Variants in ZSCAN5A observed in about 807,000 individuals in gnomAD.
The protein encoded by ZSCAN5A is zinc finger and SCAN domain-containing protein 5A.
In ZSCAN5A, 12 loss-of-function variants were observed where a neutral mutation model predicts 23.7. The ratio of observed to expected loss-of-function variants is 0.51; its 90% CI spans 0.32 to 0.82. The LOEUF (loss-of-function observed/expected upper bound fraction) is 0.82. Among genes scored for constraint, ZSCAN5A ranks in the 40% least tolerant of loss-of-function variants. ZSCAN5A has a pLI of 0.03. For synonymous variants in ZSCAN5A, 257 were observed against 239.9 expected (o/e 1.07, Z -0.66); for missense variants, 597 against 617.9 (o/e 0.97, Z 0.36).
chr19:56,230,952 A>G (rs1490681033), intron 2 of ZSCAN5A, among the ~76,000 whole-genome samples: 6 of 152,176 alleles, frequency 3.9e-5, no homozygotes, highest in Non-Finnish European at 8.8e-5. Context: ...ACTGAAAGTG[A>G]CAATCAGAAT....
At chr19:56,319,969 T>G in intron 2 of ZSCAN5A, 2 of 1,244,274 alleles carry the variant, frequency 1.6e-6, no homozygotes, top group Non-Finnish European at 2.4e-6. Context: ...TTTCATGGAG[T>G]GTATTTTCAT....
At chr19:56,328,688 C>T (rs1184181117) in intron 2 of ZSCAN5A, among the ~76,000 whole-genome samples, 2 of 145,700 alleles carry the variant, frequency 1.4e-5, no homozygotes, top group Admixed American at 7.0e-5. Context: ...AAGATAATCA[C>T]ATAAACCAAA....
chr19:56,235,035 A>G (rs2034772965), intron 2 of ZSCAN5A, among the ~76,000 whole-genome samples: 1 of 151,494 alleles, frequency 6.6e-6, no homozygotes, highest in Non-Finnish European at 1.5e-5. Flanking sequence ...ATAACGAGAC[A>G]GAAGCCTCCA....
At chr19:56,254,552 T>C (rs549718085) in intron 2 of ZSCAN5A, among the ~76,000 whole-genome samples, 2 of 152,306 alleles carry the variant, frequency 1.3e-5, no homozygotes, top group South Asian at 2.1e-4. Context: ...GTGAATAACG[T>C]TGCAATGAAC....
At chr19:56,346,852 C>G (rs909275432) in intron 2 of ZSCAN5A, among the ~76,000 whole-genome samples, 1 of 152,118 alleles carries the variant, frequency 6.6e-6, no homozygotes, top group Admixed American at 6.5e-5. Flanking sequence ...CTCGGCCTCC[C>G]GAGTAGCTGG....
chr19:56,221,627 A>G lies in ZSCAN5A; in HGVS notation c.1439T>C (p.Leu480Pro), dbSNP rs1387807684. 8.7e-6 allele frequency: 14 copies of G among 1,611,542 alleles called. No homozygotes were observed. Among genetic ancestry groups the G allele is most frequent in the Non-Finnish European group, 1.0e-5 (12 of 1,179,004 alleles). The change falls in exon 6 of 6, where the codon CTG (leucine) becomes CCG (proline). Residue 480 changes from leucine (L) to proline (P), a missense_variant. Transcript: ENST00000683990. ...CSKCPRAFSR[L>P]KLLRRHQKTH... ...TTTCTGGTGGCGTCTTAACAATTTC[A>G]GCCGACTGAAGGCTCTTGGACACTT...
At chr19:56,257,819 T>C (rs907272995) in intron 2 of ZSCAN5A, among the ~76,000 whole-genome samples, 9 of 135,700 alleles carry the variant, frequency 6.6e-5, no homozygotes, top group African/African-American at 2.5e-4. Flanking sequence ...CTCCCACCAC[T>C]GCCCATCTTC....
At chr19:56,302,581 C>CTTCCTCCCCCCTT (rs1555807484) in intron 2 of ZSCAN5A, among the ~76,000 whole-genome samples, 1 of 39,990 alleles carries the variant, frequency 2.5e-5, no homozygotes, top group Admixed American at 3.0e-4. Context: ...TTCTTCCTCC[C>CTTCCTCCCCCCTT]CCTTTTCTTC....
At chr19:56,355,270 C>T (rs1211901231) in intron 2 of ZSCAN5A, among the ~76,000 whole-genome samples, 1 of 148,540 alleles carries the variant, frequency 6.7e-6, no homozygotes, top group Non-Finnish European at 1.5e-5. Flanking sequence ...TCAAAACTTA[C>T]CAAAACTATC....
At chr19:56,275,427 A>G (rs1382666308) in intron 2 of ZSCAN5A, among the ~76,000 whole-genome samples, 1 of 152,108 alleles carries the variant, frequency 6.6e-6, no homozygotes, top group Non-Finnish European at 1.5e-5. Context: ...ATCAGCGTGA[A>G]CTCAGGGATA....
chr19:56,252,614 G>A (rs142672199), intron 2 of ZSCAN5A, among the ~76,000 whole-genome samples: 1,816 of 152,290 alleles, frequency 0.012, 7 homozygotes, highest in Middle Eastern at 0.02. Context: ...GGAGTACCCA[G>A]GTTTTCTAAT....
At chr19:56,279,621 A>T (rs2038532629) in intron 2 of ZSCAN5A, among the ~76,000 whole-genome samples, 1 of 152,198 alleles carries the variant, frequency 6.6e-6, no homozygotes, top group Admixed American at 6.5e-5. Context: ...GACCATCATC[A>T]TGAGAATCAC....
At chr19:56,338,992 A>G (rs1469136405) in intron 2 of ZSCAN5A, among the ~76,000 whole-genome samples, 1 of 152,240 alleles carries the variant, frequency 6.6e-6, no homozygotes, top group Non-Finnish European at 1.5e-5. Flanking sequence ...CCTGCAGGGA[A>G]TTCATTCTAA....
At position 56,343,306 on chromosome 19, in the gene ZSCAN5A, A is replaced by C. The variant is rs117536034; in HGVS notation, c.-358+19929T>G. The C allele has an allele frequency of 5.7e-3, 3,979 of 700,204 alleles. 19 individuals are homozygous for C. Among genetic ancestry groups the C allele is most frequent in the Non-Finnish European group, 7.9e-3 (3,237 of 407,524 alleles). 43.4% of individuals were successfully genotyped at this position (700,204 alleles called of 1,614,324 possible). A position where few individuals can be genotyped will look rare whatever the true frequency, so the allele number is the denominator to read the frequency against. ...CAGGAGAAGCCACTAGTTTCTGAAG[A>C]CTACTGGAGTGGTGTGCAAAGTGAA... is the stretch of plus-strand genomic sequence containing the variant. On this transcript the variant is annotated intron_variant, in intron 2 of 6. Transcript: ENST00000587340.
chr19:56,291,065 G>A lies in ZSCAN5A; in HGVS notation c.-128+22218C>T, dbSNP rs150930413. 5.0e-3 allele frequency among the ~76,000 whole-genome samples: 757 copies of A among 152,308 alleles called. 8 individuals carry two copies. Among genetic ancestry groups the A allele is most frequent in the African/African-American group, 0.017 (727 of 41,574 alleles). Reference sequence around the variant, plus strand: ...AGCCGTGAGGGTGTGTCTGGGATACGGTGGGTCTGGGGCTACATGCAGGAC... The same window carrying A: ...AGCCGTGAGGGTGTGTCTGGGATACAGTGGGTCTGGGGCTACATGCAGGAC... On this transcript the variant is annotated intron_variant, in intron 2 of 5. Coordinates refer to ENST00000683990, the MANE Select transcript of ZSCAN5A (RefSeq NM_001322064.3).
intron 2 of ZSCAN5A, among the ~76,000 whole-genome samples, chr19:56,334,374 C>A (rs1391142024): frequency 1.3e-5 from 2 of 152,184 alleles, no homozygotes; most frequent in Non-Finnish European, 1.5e-5. Flanking sequence ...TGATCTTGCA[C>A]AAATTATTTT....
rs186707484 is a variant in ZSCAN5A, at chr19:56,285,071, G to A, written c.-128+28212C>T. On this transcript the variant is annotated intron_variant, in intron 2 of 5. Transcript: ENST00000683990. ...TTTAAACCTGGTCTTTCTCTTGTCC[G>A]CAAGGTAATGTAGACTTATTGAGTC... 853 of 951,832 alleles carry A rather than the reference G, an allele frequency of 9.0e-4. 15 individuals are homozygous for A. The South Asian group carries it at 0.03, about 34-fold the overall frequency. The allele number at this position is 951,832 out of a possible 1,614,324, so 59.0% of individuals were successfully genotyped here. A position where few individuals can be genotyped will look rare whatever the true frequency, so the allele number is the denominator to read the frequency against.
intron 2 of ZSCAN5A, among the ~76,000 whole-genome samples, chr19:56,301,430 T>C (rs1281813850): frequency 1.3e-5 from 2 of 152,066 alleles, no homozygotes; most frequent in East Asian, 3.9e-4. Context: ...TAATGCATTA[T>C]AATTAGTATA....
At chr19:56,225,889 A>T (rs2033886302) in intron 2 of ZSCAN5A, among the ~76,000 whole-genome samples, 1 of 128,914 alleles carries the variant, frequency 7.8e-6, no homozygotes, top group Admixed American at 1.1e-4. Flanking sequence ...TCACTAATCT[A>T]CCTTCTGTCT....
Sources: gnomAD v4.1 joint callset for allele counts (sites outside exome capture counted in the v4.1 genomes callset) on GRCh38, gnomAD v4.1.1 for gene constraint, MANE v1.5 for transcripts, NCBI Gene and HGNC (gene_info 2026-07-23, HGNC 2026-07-21) for gene names.